ANXA3: variants seen among roughly 807,000 people sequenced by gnomAD.
ANXA3 encodes the protein 35-alpha calcimedin.
A neutral mutation model predicts 48.8 loss-of-function variants in ANXA3; 46 were observed. That is an observed-to-expected ratio of 0.94 (90% confidence interval 0.74 to 1.21). ANXA3 has a LOEUF of 1.21. ANXA3 is among the 50% of genes most tolerant of loss of function. ANXA3 has a pLI of 0.00. For missense variants in ANXA3, 383 were observed against 378.6 expected, an observed-to-expected ratio of 1.01 and a Z score of -0.10; for synonymous variants, 128 against 134.7, an observed-to-expected ratio of 0.95 and a Z score of 0.35.
At chr4:78,586,201 A>C (rs1723172476) in intron 5 of ANXA3, 59 bp from the exon 6 acceptor site, 1 of 1,361,252 alleles carries the variant, frequency 7.3e-7, no homozygotes, top group African/African-American at 1.5e-5. Flanking sequence ...ATAAGACCAA[A>C]AGGCATGAGA....
At chr4:78,598,955 G>C (rs987784719) in intron 10 of ANXA3, among the ~76,000 whole-genome samples, 11 of 152,016 alleles carry the variant, frequency 7.2e-5, no homozygotes, top group African/African-American at 2.2e-4. Context: ...ACTGAGCTAA[G>C]GAGCATTCTT....
intron 2 of ANXA3, among the ~76,000 whole-genome samples, chr4:78,557,521 G>A (rs577325903): frequency 6.6e-6 from 1 of 152,188 alleles, no homozygotes; most frequent in African/African-American, 2.4e-5. Context: ...GCCTACCACA[G>A]GGGCTAGGAG....
chr4:78,601,484 T>C, intron 10 of ANXA3, 26 bp from the exon 11 acceptor site: 1 of 1,610,834 alleles, frequency 6.2e-7, no homozygotes, highest in Non-Finnish European at 8.5e-7. Flanking sequence ...TCCGTGAAGC[T>C]GAACATTATT....
chr4:78,570,481 T>C (rs546810242), intron 2 of ANXA3, among the ~76,000 whole-genome samples: 2 of 152,326 alleles, frequency 1.3e-5, no homozygotes, highest in South Asian at 4.1e-4. Context: ...TTCTTACACA[T>C]GTAGAATTTA....
chr4:78,593,316 C>T (rs2109944060), intron 7 of ANXA3, among the ~76,000 whole-genome samples: 1 of 152,176 alleles, frequency 6.6e-6, no homozygotes, highest in East Asian at 1.9e-4. Flanking sequence ...AATTCTCCTG[C>T]CTCAGCCTCC....
chr4:78,562,922 T>C (rs560286920), intron 2 of ANXA3, among the ~76,000 whole-genome samples: 5 of 152,254 alleles, frequency 3.3e-5, no homozygotes, highest in Admixed American at 2.0e-4. Flanking sequence ...CAAGACACAT[T>C]TGAATGCAAC....
rs192964307 is a variant in ANXA3 at position 78,575,702 on chromosome 4, G to A, written c.103+2435G>A. On this transcript the variant is annotated intron_variant, in intron 3 of 12. Transcript: ENST00000264908. ...AAATGGATTAATACAATTGGTTACA[G>A]TAATTTTTATTGCATAGAAGTTTTA... Among the ~76,000 whole-genome samples the A allele has an allele frequency of 3.5e-3, 527 of 152,288 alleles. 1 individual carries two copies. The highest frequency in any genetic ancestry group is 0.012 in the African/African-American group (498 of 41,544).
intron 12 of ANXA3, among the ~76,000 whole-genome samples, chr4:78,606,732 ATC>A (rs1168410160): frequency 2.6e-5 from 4 of 151,952 alleles, no homozygotes; most frequent in African/African-American, 4.8e-5. Context: ...ATTCACTAAA[ATC>A]TCTCTCTCTC....
intron 2 of ANXA3, among the ~76,000 whole-genome samples, chr4:78,561,273 A>G (rs768405303): frequency 2.6e-5 from 4 of 152,168 alleles, no homozygotes; most frequent in Non-Finnish European, 5.9e-5. Flanking sequence ...TCTGGTGGGA[A>G]CAAGATTGGT....
rs548941958 is a variant in ANXA3 at position 78,578,997 on chromosome 4, A to T, written c.104-30A>T. On this transcript the variant is annotated intron_variant, in intron 3 of 12. Transcript: ENST00000264908. ...TTCAAGACAAATGTTGAGCATAAATATTGAGTAAAATAACTTTTGTTTCAT... is the reference window on the plus strand; with the variant it reads ...TTCAAGACAAATGTTGAGCATAAATTTTGAGTAAAATAACTTTTGTTTCAT... 3.4e-6 allele frequency: 5 copies of T among 1,470,496 alleles called. No homozygotes were observed. The African/African-American group carries it at 6.9e-5, about 20-fold the overall frequency. 91.1% of individuals were successfully genotyped at this position (1,470,496 alleles called of 1,614,324 possible).
chr4:78,601,726 A>G (rs1201033215), intron 11 of ANXA3, 158 bp downstream of exon 11: 4 of 548,370 alleles, frequency 7.3e-6, no homozygotes, highest in Non-Finnish European at 1.3e-5. Flanking sequence ...GATACAATAC[A>G]CTCTTTACAC....
At chr4:78,577,847 C>A (rs1042733029) in intron 3 of ANXA3, among the ~76,000 whole-genome samples, 3 of 152,182 alleles carry the variant, frequency 2.0e-5, no homozygotes, top group Admixed American at 6.5e-5. Flanking sequence ...TAATTAGACA[C>A]AACTTTCCAC....
intron 5 of ANXA3, 141 bp from the exon 6 acceptor site, chr4:78,586,119 A>G (rs2109939730): frequency 4.3e-6 from 2 of 463,458 alleles, no homozygotes; most frequent in East Asian, 6.8e-5. Context: ...ATGGAAAAAT[A>G]GAAAACGAGA....
At position 78,560,923 on chromosome 4, in the gene ANXA3, T is replaced by A. The variant is rs77855790; in HGVS notation, c.15+6435T>A. 6.5e-3 allele frequency among the ~76,000 whole-genome samples: 991 copies of A among 152,346 alleles called. 13 individuals carry two copies. The highest frequency in any genetic ancestry group is 0.023 in the African/African-American group (959 of 41,590). ...CACACAGTTTCCAATATATATTCTTTTATTTTTGACTAACATTATATTAAA... is the reference window on the plus strand; with the variant it reads ...CACACAGTTTCCAATATATATTCTTATATTTTTGACTAACATTATATTAAA... On this transcript the variant is annotated intron_variant, in intron 2 of 12. Coordinates refer to ENST00000264908, the MANE Select transcript of ANXA3 (RefSeq NM_005139.3).
At position 78,590,504 on chromosome 4, in the gene ANXA3, C is replaced by A. The variant is rs530412050; in HGVS notation, c.404-1040C>A. 3.9e-5 allele frequency among the ~76,000 whole-genome samples: 6 copies of A among 152,162 alleles called. No individual in the cohort carries two copies. The East Asian group carries it at 1.2e-3, about 29-fold the overall frequency. ...GCTAGTATGGCTAATTTATAGAATT[C>A]TTGAGAATGGTGCAGACAGTTCAGA... On this transcript the variant is annotated intron_variant, in intron 6 of 12. Transcript: ENST00000264908.
At chr4:78,595,534 A>AATTTT in intron 8 of ANXA3, 97 bp downstream of exon 8, 1 of 1,302,602 alleles carries the variant, frequency 7.7e-7, no homozygotes, top group African/African-American at 1.8e-5. Context: ...AGCAACAGGG[A>AATTTT]CTTTTCTTTT....
At chr4:78,558,374 C>T (rs1050821112) in intron 2 of ANXA3, among the ~76,000 whole-genome samples, 3 of 152,216 alleles carry the variant, frequency 2.0e-5, no homozygotes, top group Admixed American at 6.5e-5. Flanking sequence ...ATGGTAAAAA[C>T]CCTCAGATTT....
intron 10 of ANXA3, among the ~76,000 whole-genome samples, chr4:78,600,358 T>G (rs1292811917): frequency 6.6e-6 from 1 of 151,862 alleles, no homozygotes; most frequent in African/African-American, 2.4e-5. Flanking sequence ...GGTAAGAATA[T>G]AAAGCAGAAG....
intron 1 of ANXA3, chr4:78,552,266 G>C (rs1722408105): frequency 6.6e-6 from 1 of 152,452 alleles, no homozygotes; most frequent in African/African-American, 2.4e-5. Flanking sequence ...CTGGGAGTCG[G>C]AAGGTTCCTC....
Sources: gnomAD v4.1 joint callset for allele counts (sites outside exome capture counted in the v4.1 genomes callset) on GRCh38, gnomAD v4.1.1 for gene constraint, MANE v1.5 for transcripts, NCBI Gene and HGNC (gene_info 2026-07-23, HGNC 2026-07-21) for gene names.